MAPK10: variants seen among roughly 807,000 people sequenced by gnomAD.
MAPK10 encodes the protein mitogen-activated protein kinase 10.
A neutral mutation model predicts 59.3 loss-of-function variants in MAPK10; 25 were observed. That is an observed-to-expected ratio of 0.42 (90% CI 0.31 to 0.59). MAPK10 has a LOEUF of 0.59. MAPK10 is among the 20% of genes least tolerant of loss of function. The pLI is 0.15. For missense variants in MAPK10, 351 were observed against 568.9 expected, an observed-to-expected ratio of 0.62 and a Z score of 3.90; for synonymous variants, 190 against 200.5, an observed-to-expected ratio of 0.95 and a Z score of 0.44.
intron 2 of MAPK10, among the ~76,000 whole-genome samples, chr4:86,226,184 C>A (rs914557256): frequency 3.5e-4 from 53 of 152,308 alleles, no homozygotes; most frequent in African/African-American, 1.2e-3. Context: ...ATGAAGCAAG[C>A]CTGGCAGGCA....
chr4:86,108,709 C>T (rs1252024125), intron 4 of MAPK10, among the ~76,000 whole-genome samples: 2 of 152,148 alleles, frequency 1.3e-5, no homozygotes, highest in Non-Finnish European at 2.9e-5. Flanking sequence ...GAAATGCCAT[C>T]ATTCTAATAA....
intron 3 of MAPK10, among the ~76,000 whole-genome samples, chr4:86,178,376 A>G (rs2149275963): frequency 6.6e-6 from 1 of 152,118 alleles, no homozygotes; most frequent in South Asian, 2.1e-4. Context: ...TGAGGTCTTG[A>G]ACTCTAAGGA....
intron 4 of MAPK10, among the ~76,000 whole-genome samples, chr4:86,140,844 C>G (rs1463061283): frequency 3.9e-5 from 6 of 152,116 alleles, no homozygotes; most frequent in African/African-American, 1.4e-4. Context: ...AATTACTTCC[C>G]AGGCTCCCAA....
chr4:86,241,726 T>G (rs1235429381), intron 2 of MAPK10, among the ~76,000 whole-genome samples: 1 of 152,188 alleles, frequency 6.6e-6, no homozygotes, highest in African/African-American at 2.4e-5. Context: ...TAGCAATTCC[T>G]CTAACCTTTT....
At chr4:86,215,590 A>T (rs1289570433) in intron 2 of MAPK10, among the ~76,000 whole-genome samples, 1 of 152,218 alleles carries the variant, frequency 6.6e-6, no homozygotes, top group Non-Finnish European at 1.5e-5. Context: ...GGCAGGGCAC[A>T]GTGGCTCATG....
chr4:86,171,093 A>G (rs1208436797), intron 3 of MAPK10: 6 of 152,116 alleles, frequency 3.9e-5, no homozygotes, highest in African/African-American at 7.2e-5. Flanking sequence ...AGGGAAATTT[A>G]TAGCACTAAA....
chr4:86,455,216 TACA>T (rs1243919600), upstream of MAPK10, among the ~76,000 whole-genome samples: 7 of 151,170 alleles, frequency 4.6e-5, no homozygotes, highest in South Asian at 2.1e-4. Flanking sequence ...ACAACAAAAA[TACA>T]ACAACAACAA....
chr4:86,475,326 G>A (rs1350812762), intron 1 of MAPK10, among the ~76,000 whole-genome samples: 2 of 151,962 alleles, frequency 1.3e-5, no homozygotes, highest in East Asian at 1.9e-4. Context: ...CTACGACCTC[G>A]GGTCCTCAGA....
chr4:86,405,424 T>C (rs948166929), intron 1 of MAPK10, among the ~76,000 whole-genome samples: 3 of 152,224 alleles, frequency 2.0e-5, no homozygotes, highest in African/African-American at 7.2e-5. Context: ...CAGTATATTC[T>C]CTAAAGTATT....
At chr4:86,221,080 C>T (rs1428552930) in intron 2 of MAPK10, among the ~76,000 whole-genome samples, 2 of 152,234 alleles carry the variant, frequency 1.3e-5, no homozygotes, top group South Asian at 2.1e-4. Context: ...GAATAGAAGG[C>T]GGCTGGGAAG....
intron 3 of MAPK10, among the ~76,000 whole-genome samples, chr4:86,165,158 C>A (rs182462043): frequency 6.6e-6 from 1 of 151,952 alleles, no homozygotes; most frequent in Non-Finnish European, 1.5e-5. Flanking sequence ...ATTTGGATAC[C>A]GAAAACCAGT....
intron 1 of MAPK10, among the ~76,000 whole-genome samples, chr4:86,369,862 G>A (rs1207900531): frequency 1.3e-5 from 2 of 152,154 alleles, no homozygotes; most frequent in East Asian, 3.9e-4. Flanking sequence ...TGTGTGACCT[G>A]AGCAGATCGC....
At chr4:86,149,592 C>G (rs2065902778) in intron 4 of MAPK10, among the ~76,000 whole-genome samples, 1 of 152,166 alleles carries the variant, frequency 6.6e-6, no homozygotes, top group Admixed American at 6.5e-5. Context: ...TACTGGCATT[C>G]TGAACATTGA....
intron 2 of MAPK10, among the ~76,000 whole-genome samples, chr4:86,291,841 T>C (rs1003538539): frequency 2.0e-5 from 3 of 152,152 alleles, no homozygotes; most frequent in Non-Finnish European, 4.4e-5. Context: ...AAATACAATA[T>C]TTGGGAGTCA....
intron 13 of MAPK10, chr4:86,024,911 T>G (rs1472215166): frequency 1.3e-5 from 2 of 152,224 alleles, no homozygotes; most frequent in African/African-American, 4.8e-5. Context: ...CTTTATCAGC[T>G]GTATTTCTAG....
At chr4:86,486,650 T>C (rs902638862) in intron 1 of MAPK10, among the ~76,000 whole-genome samples, 3 of 152,218 alleles carry the variant, frequency 2.0e-5, no homozygotes, top group African/African-American at 7.2e-5. Context: ...AAGAAAACTC[T>C]GCAACTATCA....
chr4:86,069,409 AAAC>A (rs1410405609), intron 9 of MAPK10, among the ~76,000 whole-genome samples: 3 of 152,138 alleles, frequency 2.0e-5, no homozygotes, highest in African/African-American at 7.2e-5. Flanking sequence ...AGTAATAATT[AAAC>A]AAGAACATGC....
upstream of MAPK10, among the ~76,000 whole-genome samples, chr4:86,454,445 G>A (rs551616783): frequency 6.6e-6 from 1 of 152,126 alleles, no homozygotes; most frequent in East Asian, 1.9e-4. Flanking sequence ...GGGAAACAAT[G>A]GACACACTTA....
chr4:86,468,744 C>T (rs1168222582), intron 1 of MAPK10, among the ~76,000 whole-genome samples: 1 of 152,106 alleles, frequency 6.6e-6, no homozygotes, highest in Non-Finnish European at 1.5e-5. Flanking sequence ...GTCCCAGCTC[C>T]TCTGGAGGCT....
Sources: allele counts gnomAD v4.1 joint callset (sites outside exome capture counted in the v4.1 genomes callset), GRCh38; gene constraint gnomAD v4.1.1; transcripts MANE v1.5; gene names NCBI Gene and HGNC (gene_info 2026-07-23, HGNC 2026-07-21).